Variants in LRP1B observed in about 807,000 individuals in gnomAD.
LRP1B encodes the protein low-density lipoprotein receptor-related protein 1B.
In LRP1B, 217 loss-of-function variants were observed where a neutral mutation model predicts 556.6. The ratio of observed to expected loss-of-function variants is 0.39; its 90% CI spans 0.35 to 0.44. The LOEUF is 0.44. Ranked by LOEUF, LRP1B falls within the 20% of genes least tolerant of loss-of-function variation. The pLI is 1.00. For missense variants in LRP1B, 5,053 were observed against 5,620.8 expected, an observed-to-expected ratio of 0.90 and a Z score of 3.23; for synonymous variants, 2,047 against 1,865.8, an observed-to-expected ratio of 1.10 and a Z score of -2.50.
rs559304878 is a variant in LRP1B, at chr2:141,058,769, C to T, written c.1408+114G>A. 6.3e-5 allele frequency: 47 copies of T among 741,966 alleles called. No individual in the cohort carries two copies. In the African/African-American group the frequency reaches 7.4e-4, roughly 12 times the overall value. 46.0% of individuals were successfully genotyped at this position (741,966 alleles called of 1,614,324 possible). A position where few individuals can be genotyped will look rare whatever the true frequency, so the allele number is the denominator to read the frequency against. On this transcript the variant is annotated intron_variant, in intron 9 of 90. Transcript: ENST00000389484. The stretch of plus-strand genomic sequence containing the variant: ...TAACAAGCAGACATGCCTACTTTTG[C>T]TGTCAAAGCAGAGAATTTATGACTC...
intron 20 of LRP1B, among the ~76,000 whole-genome samples, chr2:140,933,810 G>A (rs1405097025): frequency 6.6e-6 from 1 of 151,860 alleles, no homozygotes; most frequent in Non-Finnish European, 1.5e-5. Context: ...ACAGTTACTG[G>A]TTTTAATTTT....
intron 1 of LRP1B, among the ~76,000 whole-genome samples, chr2:141,870,960 G>A (rs979524186): frequency 1.3e-5 from 2 of 151,914 alleles, no homozygotes; most frequent in Admixed American, 6.6e-5. Context: ...GACCTTAGCA[G>A]CCTTGCTTTC....
intron 31 of LRP1B, among the ~76,000 whole-genome samples, chr2:140,828,195 T>C (rs1462650812): frequency 3.3e-5 from 5 of 152,138 alleles, no homozygotes; most frequent in Admixed American, 6.6e-5. Flanking sequence ...AACTCATTGC[T>C]AAAAGTAAGT....
chr2:141,240,834 TATG>T (rs1251682573), intron 5 of LRP1B, among the ~76,000 whole-genome samples: 7 of 152,084 alleles, frequency 4.6e-5, no homozygotes, highest in Non-Finnish European at 7.4e-5. Context: ...AAAAATATGT[TATG>T]AAGAAAATGG....
At chr2:140,826,291 T>C (rs1691505215) in intron 31 of LRP1B, among the ~76,000 whole-genome samples, 1 of 152,162 alleles carries the variant, frequency 6.6e-6, no homozygotes, top group Non-Finnish European at 1.5e-5. Context: ...CCACTATCTG[T>C]ATGGAGTTTG....
intron 39 of LRP1B, 28 bp from the exon 40 acceptor site, chr2:140,701,873 A>C: frequency 6.2e-7 from 1 of 1,612,016 alleles, no homozygotes; most frequent in Non-Finnish European, 8.5e-7. Context: ...ATACATGATC[A>C]ACAATCTTCG....
chr2:141,418,260 T>A (rs1679993502), intron 3 of LRP1B, among the ~76,000 whole-genome samples: 1 of 152,158 alleles, frequency 6.6e-6, no homozygotes, highest in Non-Finnish European at 1.5e-5. Context: ...CACTTGTCTA[T>A]TTTTGCTTTT....
chr2:141,850,237 C>T (rs1454955009), intron 1 of LRP1B, among the ~76,000 whole-genome samples: 1 of 151,358 alleles, frequency 6.6e-6, no homozygotes, highest in Non-Finnish European at 1.5e-5. Context: ...TGCTTTTTTT[C>T]CCCCATGGTC....
At chr2:142,019,299 G>C (rs1276048926) in intron 1 of LRP1B, among the ~76,000 whole-genome samples, 2 of 152,140 alleles carry the variant, frequency 1.3e-5, no homozygotes, top group Non-Finnish European at 2.9e-5. Flanking sequence ...CGTTAGTTCA[G>C]TAGTTTAGTG....
intron 3 of LRP1B, among the ~76,000 whole-genome samples, chr2:141,332,222 T>C (rs1687680653): frequency 1.3e-5 from 2 of 152,096 alleles, no homozygotes; most frequent in African/African-American, 4.8e-5. Context: ...ACTTGTTACA[T>C]TAATTAATTT....
intron 18 of LRP1B, among the ~76,000 whole-genome samples, chr2:140,979,511 T>C (rs1696701844): frequency 6.6e-6 from 1 of 152,168 alleles, no homozygotes; most frequent in Non-Finnish European, 1.5e-5. Flanking sequence ...AGTGTGTTAC[T>C]GCATATCATC....
intron 25 of LRP1B, among the ~76,000 whole-genome samples, chr2:140,877,005 C>A (rs1392516371): frequency 6.6e-6 from 1 of 151,904 alleles, no homozygotes; most frequent in Non-Finnish European, 1.5e-5. Context: ...CCATTTGGAC[C>A]AAATTCTATT....
intron 3 of LRP1B, among the ~76,000 whole-genome samples, chr2:141,448,609 T>G (rs1365861636): frequency 6.6e-6 from 1 of 152,168 alleles, no homozygotes; most frequent in African/African-American, 2.4e-5. Context: ...GCACCATTCC[T>G]TGGGACACAG....
chr2:140,514,473 T>C (rs1233805884), intron 51 of LRP1B, among the ~76,000 whole-genome samples, 180 bp downstream of exon 51: 1 of 151,950 alleles, frequency 6.6e-6, no homozygotes, highest in Non-Finnish European at 1.5e-5. Flanking sequence ...AATAACAGCT[T>C]TATATATAAA....
intron 37 of LRP1B, among the ~76,000 whole-genome samples, chr2:140,712,201 G>A (rs1001478438): frequency 2.0e-5 from 3 of 152,092 alleles, no homozygotes; most frequent in African/African-American, 4.8e-5. Context: ...CTTATCCACT[G>A]GCTGACTACT....
chr2:140,619,015 C>T (rs1021578857), intron 41 of LRP1B, among the ~76,000 whole-genome samples: 3 of 151,662 alleles, frequency 2.0e-5, no homozygotes, highest in Admixed American at 6.6e-5. Context: ...GGATTGTTTT[C>T]GTAACGTGAC....
chr2:140,800,887 A>C (rs1232321409), intron 32 of LRP1B, among the ~76,000 whole-genome samples: 3 of 152,098 alleles, frequency 2.0e-5, no homozygotes, highest in Non-Finnish European at 4.4e-5. Context: ...TCCCCATTTC[A>C]ATTCAAATCC....
intron 14 of LRP1B, among the ~76,000 whole-genome samples, chr2:141,011,071 CAGAGAGAG>C (rs143409764): frequency 2.8e-5 from 4 of 142,792 alleles, no homozygotes; most frequent in African/African-American, 7.7e-5. Flanking sequence ...TGTATTCTCT[CAGAGAGAG>C]AGAGAGAGAG....
intron 3 of LRP1B, among the ~76,000 whole-genome samples, chr2:141,477,507 C>A (rs1372054884): frequency 1.3e-5 from 2 of 152,084 alleles, no homozygotes; most frequent in Non-Finnish European, 2.9e-5. Flanking sequence ...AGACTGAGTT[C>A]CTACAATGTA....
Sources: gnomAD v4.1 joint callset for allele counts (sites outside exome capture counted in the v4.1 genomes callset) on GRCh38, gnomAD v4.1.1 for gene constraint, MANE v1.5 for transcripts, NCBI Gene and HGNC (gene_info 2026-07-23, HGNC 2026-07-21) for gene names.